The following RAB2A variants were observed in gnomAD, a reference collection of about 807,000 sequenced individuals.
RAB2A encodes the protein ras-related protein Rab-2A.
A neutral mutation model predicts 32.5 loss-of-function variants in RAB2A; 7 were observed. That is an observed-to-expected ratio of 0.22 (90% CI 0.12 to 0.40). RAB2A has a LOEUF of 0.40. RAB2A is among the 10% of genes least tolerant of loss of function. The pLI is 1.00. For missense variants in RAB2A, 108 were observed against 260.7 expected (o/e 0.41, Z 4.03); for synonymous variants, 79 against 85.2 (o/e 0.93, Z 0.40).
rs527504440 is a variant in RAB2A at position 60,613,064 on chromosome 8, C to G, written c.475-5516C>G. Among the ~76,000 whole-genome samples the G allele has an allele frequency of 3.9e-5, 6 of 152,318 alleles. No homozygotes were observed. The East Asian group carries it at 1.2e-3, about 29-fold the overall frequency. Reference sequence around the variant, plus strand: ...CTGCTGTGCTTTTCACAGGACTCTCCTATCTTTGCCCAATATCTAAGTCTT... The same window carrying G: ...CTGCTGTGCTTTTCACAGGACTCTCGTATCTTTGCCCAATATCTAAGTCTT... On this transcript the variant is annotated intron_variant, in intron 6 of 7. Transcript: ENST00000262646.
chr8:60,534,402 T>G (rs1192138993), intron 1 of RAB2A, among the ~76,000 whole-genome samples: 1 of 152,028 alleles, frequency 6.6e-6, no homozygotes, highest in Non-Finnish European at 1.5e-5. Context: ...AGGGCTGCAG[T>G]GTACCATGAT....
chr8:60,539,283 G>C (rs527849875), intron 1 of RAB2A, among the ~76,000 whole-genome samples: 1 of 152,182 alleles, frequency 6.6e-6, no homozygotes, highest in Non-Finnish European at 1.5e-5. Flanking sequence ...TACGTATAGA[G>C]TAATTTGGCC....
At chr8:60,570,799 T>C (rs955042932) in intron 2 of RAB2A, among the ~76,000 whole-genome samples, 6 of 152,342 alleles carry the variant, frequency 3.9e-5, no homozygotes, top group Non-Finnish European at 8.8e-5. Flanking sequence ...CTCATCGTTT[T>C]ATGTCATGGG....
upstream of RAB2A, chr8:60,516,946 G>A (rs1286149618): frequency 5.5e-6 from 2 of 363,622 alleles, no homozygotes; most frequent in African/African-American, 2.1e-5. Context: ...AGAACTTCCG[G>A]GTCGGCGCGG....
In RAB2A at chr8:60,544,571, T is replaced by TA. The variant is rs1563464317; in HGVS notation, c.47-14281_47-14280insA. On this transcript the variant is annotated intron_variant, in intron 1 of 7. Coordinates refer to ENST00000262646, the MANE Select transcript of RAB2A (RefSeq NM_002865.3). ...TAGTGCCTTTTTTTTTTTTTTTTTT[T>TA]TAAAATAGAGATGGGGTCTCAGTAT... 4.0e-3 allele frequency among the ~76,000 whole-genome samples: 560 copies of TA among 140,166 alleles called. 5 individuals are homozygous for TA. Among genetic ancestry groups the TA allele is most frequent in the African/African-American group, 0.015 (522 of 35,696 alleles). 92.0% of individuals were successfully genotyped at this position (140,166 alleles called of 152,430 possible).
chr8:60,558,414 C>T (rs1317037922), intron 1 of RAB2A: 2 of 508,344 alleles, frequency 3.9e-6, no homozygotes, highest in Admixed American at 2.0e-5. Context: ...AGGAGCTTTT[C>T]CCAGAAAAGT....
chr8:60,524,033 T>G (rs1189443249), intron 1 of RAB2A, among the ~76,000 whole-genome samples: 1 of 152,218 alleles, frequency 6.6e-6, no homozygotes, highest in Non-Finnish European at 1.5e-5. Context: ...CCAGTTTATT[T>G]ACTACTTCCT....
At chr8:60,552,662 A>G (rs1807873400) in intron 1 of RAB2A, 1 of 152,244 alleles carries the variant, frequency 6.6e-6, no homozygotes, top group African/African-American at 2.4e-5. Context: ...GTCTGGCTCA[A>G]TTCTCTGATT....
At chr8:60,517,567 C>T (rs1008209090) in intron 1 of RAB2A, among the ~76,000 whole-genome samples, 4 of 152,104 alleles carry the variant, frequency 2.6e-5, no homozygotes, top group African/African-American at 9.7e-5. Context: ...GCCCGACTCA[C>T]ATGACTGCAC....
intron 2 of RAB2A, among the ~76,000 whole-genome samples, chr8:60,560,968 G>A (rs1252059186): frequency 6.6e-6 from 1 of 152,174 alleles, no homozygotes; most frequent in African/African-American, 2.4e-5. Flanking sequence ...GCTAATGGCA[G>A]GCACTGGGAA....
chr8:60,607,377 C>T (rs1451150346), intron 6 of RAB2A, among the ~76,000 whole-genome samples: 4 of 139,210 alleles, frequency 2.9e-5, no homozygotes, highest in African/African-American at 5.8e-5. Context: ...TGCAGTGAGC[C>T]GAGATCGCGC....
chr8:60,588,564 AAAAAACTCAGACC>A (rs1270062660), intron 5 of RAB2A, among the ~76,000 whole-genome samples: 2 of 152,224 alleles, frequency 1.3e-5, no homozygotes, highest in Non-Finnish European at 2.9e-5. Flanking sequence ...TTACAGAGTG[AAAAAACTCAGACC>A]AAAAATACCA....
At chr8:60,593,695 C>T (rs912138780) in intron 6 of RAB2A, among the ~76,000 whole-genome samples, 8 of 151,998 alleles carry the variant, frequency 5.3e-5, no homozygotes, top group Non-Finnish European at 8.8e-5. Context: ...GAAAATCATT[C>T]ATCATACCTA....
chr8:60,547,300 CT>C (rs1563465391), intron 1 of RAB2A, among the ~76,000 whole-genome samples: 1 of 152,248 alleles, frequency 6.6e-6, no homozygotes, highest in African/African-American at 2.4e-5. Flanking sequence ...CTACCTCTTT[CT>C]ACACAGACAT....
intron 3 of RAB2A, among the ~76,000 whole-genome samples, chr8:60,575,351 T>TAA (rs941653211): frequency 6.6e-6 from 1 of 152,132 alleles, no homozygotes; most frequent in African/African-American, 2.4e-5. Flanking sequence ...ACTTTCTTCT[T>TAA]ACTTTCATAC....
intron 1 of RAB2A, among the ~76,000 whole-genome samples, chr8:60,527,746 G>T (rs1405515527): frequency 6.6e-6 from 1 of 151,194 alleles, no homozygotes; most frequent in Admixed American, 6.6e-5. Flanking sequence ...TTTTTTTTTT[G>T]AAGTATGTTC....
chr8:60,570,020 G>T (rs1003404263), intron 2 of RAB2A: 2 of 456,136 alleles, frequency 4.4e-6, no homozygotes, highest in African/African-American at 4.0e-5. Context: ...AGGAGCAGTT[G>T]TGTTAGCTTC....
chr8:60,554,761 G>A (rs1807908098), intron 1 of RAB2A, among the ~76,000 whole-genome samples: 1 of 152,182 alleles, frequency 6.6e-6, no homozygotes. Flanking sequence ...GCTGAGGCAG[G>A]AGAATTGCTT....
intron 3 of RAB2A, among the ~76,000 whole-genome samples, chr8:60,582,169 G>C (rs1360603401): frequency 1.3e-5 from 2 of 151,818 alleles, no homozygotes; most frequent in African/African-American, 4.8e-5. Flanking sequence ...GGCTGGTTTT[G>C]AACTCCTGGC....
Sources: gnomAD v4.1 joint callset for allele counts (sites outside exome capture counted in the v4.1 genomes callset) on GRCh38, gnomAD v4.1.1 for gene constraint, MANE v1.5 for transcripts, NCBI Gene and HGNC (gene_info 2026-07-23, HGNC 2026-07-21) for gene names.